CFAP74: variants seen among roughly 807,000 people sequenced by gnomAD.
The protein encoded by CFAP74 is cilia- and flagella-associated protein 74.
Under a neutral mutation model 188.9 loss-of-function variants are expected in CFAP74, and 124 were observed. That is an observed-to-expected ratio of 0.66 (90% CI 0.57 to 0.76). The LOEUF (loss-of-function observed/expected upper bound fraction) is 0.76. CFAP74 is among the 30% of genes least tolerant of loss of function. The pLI, the probability that CFAP74 is intolerant of heterozygous loss-of-function variation, is 0.00. For missense variants in CFAP74, 2,198 were observed against 2,165.2 expected, an observed-to-expected ratio of 1.02 and a Z score of -0.30; for synonymous variants, 956 against 916.7, an observed-to-expected ratio of 1.04 and a Z score of -0.77.
Position 1,975,285 on chromosome 1 carries a change from A to G in CFAP74, c.501-1087T>C, listed in dbSNP as rs551955908. Among the ~76,000 whole-genome samples, 151 of 152,290 alleles carry G rather than the reference A, an allele frequency of 9.9e-4. 2 individuals carry two copies. Among genetic ancestry groups the G allele is most frequent in the Non-Finnish European group, 4.4e-5 (3 of 68,022 alleles). On this transcript the variant is annotated intron_variant, in intron 6 of 38. Transcript: ENST00000682832. This position sits in a 1 kb window ranked among gnomAD's most constrained non-coding sequence, Gnocchi z 4.5. ...TTACATCTTTTTGAAAAAATCATGA[A>G]CATATGTTGAATTGAGATACTCAAT...
intron 26 of CFAP74, 76 bp downstream of exon 26, chr1:1,929,984 A>G: frequency 7.0e-7 from 1 of 1,420,518 alleles, no homozygotes; most frequent in Non-Finnish European, 9.3e-7. Flanking sequence ...GGGTGGGCAG[A>G]GCCAGACACC....
At chr1:1,981,717 CGCGG>C (rs1656874306) in intron 6 of CFAP74, among the ~76,000 whole-genome samples, 1 of 138,928 alleles carries the variant, frequency 7.2e-6, no homozygotes, top group Admixed American at 7.1e-5. Context: ...GACACCCAGC[CGCGG>C]ACAGACACGG....
intron 24 of CFAP74, among the ~76,000 whole-genome samples, chr1:1,939,197 CATGT>C (rs1175341596): frequency 6.6e-6 from 1 of 152,182 alleles, no homozygotes; most frequent in Non-Finnish European, 1.5e-5. Context: ...TGAGCATGTG[CATGT>C]GTGTGCACGC....
At chr1:1,931,241 A>G (rs1402202848) in intron 25 of CFAP74, among the ~76,000 whole-genome samples, 1 of 151,554 alleles carries the variant, frequency 6.6e-6, no homozygotes, top group African/African-American at 2.4e-5. Flanking sequence ...CATCCCGGCT[A>G]ACACGGTGAA....
At chr1:1,981,660 A>ACGCAGGACACACAGCCGCGGACAGACACG (rs1558055540) in intron 6 of CFAP74, among the ~76,000 whole-genome samples, 1 of 14,968 alleles carries the variant, frequency 6.7e-5, no homozygotes, top group Non-Finnish European at 1.2e-4. Context: ...GGACAGACAC[A>ACGCAGGACACACAGCCGCGGACAGACACG]GGGGCACGCA....
chr1:1,970,809 A>G lies in CFAP74; in HGVS notation c.896T>C (p.Leu299Pro). 6.2e-7 allele frequency: 1 copy of G among 1,614,072 alleles called. No individual in the cohort carries two copies. The highest frequency in any genetic ancestry group is 8.5e-7 in the Non-Finnish European group (1 of 1,179,988). ...KGSISANRDT[L>P]RKFQAWDRAK... Reference sequence around the variant, plus strand: ...ACGGTCCCATGCTTGGAACTTCCGCAGTGTGTCCTTGGAAACAGAGAGCAC... The same window carrying G: ...ACGGTCCCATGCTTGGAACTTCCGCGGTGTGTCCTTGGAAACAGAGAGCAC... Residue 299 changes from leucine (L) to proline (P), a missense_variant, in exon 10 of 39, where the codon CTG becomes CCG. Transcript: ENST00000682832.
In CFAP74 at chr1:1,939,125, A is replaced by T. The variant is rs919166956; in HGVS notation, c.2878-137T>A. 17 of 928,268 alleles carry T rather than the reference A, an allele frequency of 1.8e-5. No homozygotes were observed. In the Admixed American group the frequency reaches 2.8e-4, roughly 16 times the overall value. The allele number at this position is 928,268 out of a possible 1,614,324, so 57.5% of individuals were successfully genotyped here. On this transcript the variant is annotated intron_variant, in intron 24 of 38. Transcript: ENST00000682832. ...ATGTGAGGGTGAGAGTGTCGCTGTC[A>T]ACGAGTGTGTGTCAGCAAGTGTGTG...
intron 22 of CFAP74, among the ~76,000 whole-genome samples, chr1:1,940,921 C>T (rs1326125970): frequency 2.6e-5 from 4 of 151,952 alleles, no homozygotes; most frequent in African/African-American, 4.8e-5. Flanking sequence ...GACCATCCTG[C>T]CTAACACGGT....
intron 11 of CFAP74, among the ~76,000 whole-genome samples, chr1:1,967,012 A>C (rs1655520007): frequency 6.6e-6 from 1 of 151,924 alleles, no homozygotes; most frequent in Non-Finnish European, 1.5e-5. Flanking sequence ...AATTTTTTGT[A>C]TTTTTAGTAG....
At chr1:1,946,059 G>A (rs1274281298) in intron 20 of CFAP74, among the ~76,000 whole-genome samples, 2 of 152,172 alleles carry the variant, frequency 1.3e-5, no homozygotes, top group African/African-American at 2.4e-5. Context: ...GTGTGCATGT[G>A]TGCATGTGTA....
At chr1:1,998,438 C>T (rs7520124) in intron 1 of CFAP74, among the ~76,000 whole-genome samples, 3 of 151,804 alleles carry the variant, frequency 2.0e-5, no homozygotes, top group South Asian at 4.2e-4. Flanking sequence ...CAGATCTACA[C>T]GTAGGGAGGG....
At position 1,974,102 on chromosome 1, in the gene CFAP74, C is replaced by G; in HGVS notation, c.597G>C (p.Gln199His). Residue 199 changes from glutamine (Q) to histidine (H), a missense_variant, in exon 7 of 39, where the codon CAG becomes CAC. Coordinates refer to ENST00000682832, the MANE Select transcript of CFAP74 (RefSeq NM_001304360.2). The part of the protein sequence containing the change: ...EEVEATGRRL[Q>H]VRAAEQLCRE... ...TGCAGAGCTGCTCGGCTGCGCGCAC[C>G]TGGAGCCGCCGCCCCGTGGCCTCCA... 2 of 1,612,548 alleles carry G rather than the reference C, an allele frequency of 1.2e-6. No individual in the cohort carries two copies. Among genetic ancestry groups the G allele is most frequent in the Non-Finnish European group, 1.7e-6 (2 of 1,179,254 alleles).
rs1651594674 is a variant in CFAP74 at position 1,923,831 on chromosome 1, GGCTGAAGGTGACAGTGAA to G, written c.4315_4332del (p.Phe1439_Ser1444del). 1 of 1,613,438 alleles carries G rather than the reference GGCTGAAGGTGACAGTGAA, an allele frequency of 6.2e-7. No homozygotes were observed. On this transcript the variant is annotated inframe_deletion, in exon 35 of 39. Coordinates refer to ENST00000682832, the MANE Select transcript of CFAP74 (RefSeq NM_001304360.2). The surrounding 1 kb of genome is among the most constrained non-coding windows in gnomAD (Gnocchi z 6.3). ...GAGAAGTAGAGGCTTTCGTGGTCGG[GGCTGAAGGTGACAGTGAA>G]GTCTTGTGTCTTCCCGGGGTCCATG... is the stretch of plus-strand genomic sequence containing the variant.
At chr1:1,999,132 G>C (rs1375584982) in intron 1 of CFAP74, among the ~76,000 whole-genome samples, 1 of 152,184 alleles carries the variant, frequency 6.6e-6, no homozygotes, top group Non-Finnish European at 1.5e-5. Context: ...TAGTTTTGAA[G>C]GGGGAAGGGG....
At chr1:1,925,505 G>T (rs1294025351) in intron 33 of CFAP74, among the ~76,000 whole-genome samples, 1 of 152,178 alleles carries the variant, frequency 6.6e-6, no homozygotes, top group African/African-American at 2.4e-5. Flanking sequence ...GGGGAGCTCT[G>T]TGCAGGGGCT....
chr1:1,988,205 T>C lies in CFAP74; in HGVS notation c.296+307A>G, dbSNP rs141148069. ...ATAATTTAGCACAAAATCCCATAGA[T>C]ATAAAATACAAACACACACAAACAC... On this transcript the variant is annotated intron_variant, in intron 4 of 38. Transcript: ENST00000682832. 786 of 581,140 alleles carry C rather than the reference T, an allele frequency of 1.4e-3. 5 individuals carry two copies. The highest frequency in any genetic ancestry group is 0.013 in the African/African-American group (705 of 54,384). The allele number at this position is 581,140 out of a possible 1,614,324, so 36.0% of individuals were successfully genotyped here. A position where few individuals can be genotyped will look rare whatever the true frequency, so the allele number is the denominator to read the frequency against.
At chr1:1,927,841 G>A in intron 27 of CFAP74, 95 bp from the exon 28 acceptor site, 1 of 1,401,608 alleles carries the variant, frequency 7.1e-7, no homozygotes, top group Non-Finnish European at 9.5e-7. Context: ...GGGAACCGCG[G>A]GAGCCGCAGT....
chr1:1,974,262 G>T (rs1052850489), intron 6 of CFAP74, 64 bp from the exon 7 acceptor site: 140 of 1,486,576 alleles, frequency 9.4e-5, no homozygotes, highest in Non-Finnish European at 4.2e-5. Context: ...GGGGGTTTCG[G>T]CATTGAGTTC....
At position 1,969,464 on chromosome 1, in the gene CFAP74, AGCCCAGCCCTGCCCG is replaced by A. The variant is rs556006911; in HGVS notation, c.1047-646_1047-632del. The stretch of plus-strand genomic sequence containing the variant: ...AGTCCAGTCCTGCCCAGCCCTGCCC[AGCCCAGCCCTGCCCG>A]GCCCAGCCCTGCCCACTTCGCAGCC... On this transcript the variant is annotated intron_variant, in intron 10 of 38. Coordinates refer to ENST00000682832, the MANE Select transcript of CFAP74 (RefSeq NM_001304360.2). Among the ~76,000 whole-genome samples, 620 of 53,216 alleles carry A rather than the reference AGCCCAGCCCTGCCCG, an allele frequency of 0.012. 18 individuals carry two copies. In the East Asian group the frequency reaches 0.13, roughly 12 times the overall value. 34.9% of individuals were successfully genotyped at this position (53,216 alleles called of 152,430 possible).
Sources: allele counts gnomAD v4.1 joint callset (sites outside exome capture counted in the v4.1 genomes callset), GRCh38; gene constraint gnomAD v4.1.1; non-coding constraint Gnocchi (gnomAD v3.1); transcripts MANE v1.5; gene names NCBI Gene and HGNC (gene_info 2026-07-23, HGNC 2026-07-21).